Variants in BRINP2 observed in about 807,000 individuals in gnomAD.
BRINP2 encodes the protein BMP/retinoic acid inducible neural specific 2.
BRINP2 carries 21 observed loss-of-function variants against 69.2 expected under a neutral mutation model. The observed-to-expected ratio is 0.30, with a 90% CI of 0.22 to 0.44. The LOEUF is 0.44. BRINP2 is among the 20% of genes least tolerant of loss of function. The pLI is 1.00. For missense variants in BRINP2, 877 were observed against 986.0 expected (o/e 0.89, Z 1.48); for synonymous variants, 380 against 394.1 (o/e 0.96, Z 0.42).
chr1:177,238,258 A>G (rs1350774442), intron 2 of BRINP2, among the ~76,000 whole-genome samples: 1 of 152,248 alleles, frequency 6.6e-6, no homozygotes, highest in Non-Finnish European at 1.5e-5. Context: ...GCCAGTTACC[A>G]TCTTCCCCTC....
chr1:177,264,833 T>A (rs1049032900), intron 4 of BRINP2, among the ~76,000 whole-genome samples: 19 of 152,220 alleles, frequency 1.2e-4, no homozygotes, highest in African/African-American at 4.3e-4. Context: ...AAACATTCCA[T>A]GCTCATGGAT....
chr1:177,181,803 G>T (rs953621754), intron 1 of BRINP2, among the ~76,000 whole-genome samples: 1 of 152,188 alleles, frequency 6.6e-6, no homozygotes, highest in Admixed American at 6.5e-5. Flanking sequence ...TGAGCCGCGA[G>T]GGACCGCGGA....
At position 177,179,939 on chromosome 1, in the gene BRINP2, T is replaced by C. The variant is rs528820985; in HGVS notation, c.-77+8207T>C. 3.4e-4 allele frequency among the ~76,000 whole-genome samples: 52 copies of C among 152,246 alleles called. 1 individual carries two copies. In the South Asian group the frequency reaches 0.01, roughly 30 times the overall value. Reference sequence around the variant, plus strand: ...ACACATCTATACACACATATGTACGTATGTATTCACACACACGCACACCCC... The same window carrying C: ...ACACATCTATACACACATATGTACGCATGTATTCACACACACGCACACCCC... On this transcript the variant is annotated intron_variant, in intron 1 of 7. Transcript: ENST00000361539.
At chr1:177,270,627 AG>A (rs1174654902) in intron 4 of BRINP2, among the ~76,000 whole-genome samples, 1 of 152,102 alleles carries the variant, frequency 6.6e-6, no homozygotes, top group Non-Finnish European at 1.5e-5. Flanking sequence ...TTCCCACTTA[AG>A]GCTTGTTAGC....
chr1:177,241,250 C>T (rs954554642), intron 2 of BRINP2, among the ~76,000 whole-genome samples: 3 of 152,168 alleles, frequency 2.0e-5, no homozygotes, highest in South Asian at 2.1e-4. Flanking sequence ...GGATTACAGG[C>T]GTGAGCCATT....
At chr1:177,230,929 C>A (rs992216603) in intron 2 of BRINP2, among the ~76,000 whole-genome samples, 1 of 152,164 alleles carries the variant, frequency 6.6e-6, no homozygotes, top group Non-Finnish European at 1.5e-5. Flanking sequence ...CTTTAGATAA[C>A]CCTGGGAGCC....
At chr1:177,233,616 A>G (rs907083364) in intron 2 of BRINP2, among the ~76,000 whole-genome samples, 1 of 152,226 alleles carries the variant, frequency 6.6e-6, no homozygotes, top group African/African-American at 2.4e-5. Context: ...TTTTTAAAGC[A>G]CGTTAACCTT....
chr1:177,267,826 GC>G (rs1209637748), intron 4 of BRINP2, among the ~76,000 whole-genome samples: 1 of 152,082 alleles, frequency 6.6e-6, no homozygotes, highest in African/African-American at 2.4e-5. Flanking sequence ...CAGAATTAGA[GC>G]CACTGCCCAT....
rs542045185 is a variant in BRINP2 at position 177,246,310 on chromosome 1, T to C, written c.270-9609T>C. Among the ~76,000 whole-genome samples the C allele has an allele frequency of 9.2e-5, 14 of 152,302 alleles. No homozygotes were observed. In the East Asian group the frequency reaches 2.7e-3, roughly 29 times the overall value. On this transcript the variant is annotated intron_variant, in intron 2 of 7. Transcript: ENST00000361539. ...GTCACAGACAAAGGCAGAAAATCAT[T>C]GGTAGTGTGGTCTAGGTTCTAGTCA...
At chr1:177,270,480 A>T (rs1421337056) in intron 4 of BRINP2, among the ~76,000 whole-genome samples, 1 of 149,846 alleles carries the variant, frequency 6.7e-6, no homozygotes, top group African/African-American at 2.5e-5. Flanking sequence ...GCCCAGCATG[A>T]TGAACAAGAT....
At chr1:177,246,793 C>T (rs934302632) in intron 2 of BRINP2, among the ~76,000 whole-genome samples, 7 of 152,284 alleles carry the variant, frequency 4.6e-5, no homozygotes, top group East Asian at 1.9e-4. Flanking sequence ...ATTATCGTTT[C>T]GTTTTATAGC....
intron 4 of BRINP2, among the ~76,000 whole-genome samples, chr1:177,258,547 C>A (rs1558180656): frequency 6.6e-6 from 1 of 152,178 alleles, no homozygotes; most frequent in Non-Finnish European, 1.5e-5. Context: ...TTGCATTTTG[C>A]AGATACTGTG....
chr1:177,184,529 C>A (rs1410164679), intron 1 of BRINP2, among the ~76,000 whole-genome samples: 1 of 152,262 alleles, frequency 6.6e-6, no homozygotes. Context: ...CTCATGTGAA[C>A]TTGACTTCTA....
At chr1:177,276,472 G>A in intron 6 of BRINP2, 38 bp downstream of exon 6, 8 of 1,582,720 alleles carry the variant, frequency 5.1e-6, no homozygotes, top group Non-Finnish European at 6.9e-6. Flanking sequence ...ATGAGAGGTG[G>A]CTGTGAGGTA....
Position 177,282,238 on chromosome 1 carries a change from C to T in BRINP2, c.*710C>T, listed in dbSNP as rs958395910. ...TTGTGGTCCCTTCAGAGCTCCTTTC[C>T]AACAGCATCTCTCTGTCGAAGAAAG... On this transcript the variant is annotated 3_prime_UTR_variant, in exon 8 of 8. Coordinates refer to ENST00000361539, the MANE Select transcript of BRINP2 (RefSeq NM_021165.4). 2.0e-5 allele frequency: 3 copies of T among 152,164 alleles called. No individual in the cohort carries two copies. The highest frequency in any genetic ancestry group is 2.0e-4 in the Admixed American group (3 of 15,280). The allele number at this position is 152,164 out of a possible 1,614,324, so 9.4% of individuals were successfully genotyped here. A position where few individuals can be genotyped will look rare whatever the true frequency, so the allele number is the denominator to read the frequency against.
chr1:177,210,284 G>T (rs1649186388), intron 1 of BRINP2, among the ~76,000 whole-genome samples: 1 of 152,160 alleles, frequency 6.6e-6, no homozygotes, highest in African/African-American at 2.4e-5. Context: ...AAGTTCCAGA[G>T]CAGAGACAGC....
At chr1:177,227,773 C>T (rs1423790668) in intron 1 of BRINP2, among the ~76,000 whole-genome samples, 1 of 151,990 alleles carries the variant, frequency 6.6e-6, no homozygotes, top group African/African-American at 2.4e-5. Context: ...GTGTCTGATG[C>T]TTTTTTTCAT....
chr1:177,264,185 G>A (rs1395878902), intron 4 of BRINP2, among the ~76,000 whole-genome samples: 1 of 152,190 alleles, frequency 6.6e-6, no homozygotes, highest in South Asian at 2.1e-4. Flanking sequence ...TCCCATTTAT[G>A]TTCCTTCCTG....
chr1:177,257,736 G>T (rs554488845), intron 4 of BRINP2, among the ~76,000 whole-genome samples: 1 of 152,184 alleles, frequency 6.6e-6, no homozygotes, highest in East Asian at 1.9e-4. Flanking sequence ...TTCCTGGGGC[G>T]TGGGGAGGGA....
Sources: allele counts gnomAD v4.1 joint callset (sites outside exome capture counted in the v4.1 genomes callset), GRCh38; gene constraint gnomAD v4.1.1; transcripts MANE v1.5; gene names NCBI Gene and HGNC (gene_info 2026-07-23, HGNC 2026-07-21).